Variants in CDH11 observed in about 807,000 individuals in gnomAD.
CDH11 encodes cadherin 11.
In CDH11, 11 loss-of-function variants were observed where a neutral mutation model predicts 67.8. The observed-to-expected ratio is 0.16, with a 90% CI of 0.10 to 0.27. The LOEUF is 0.27. Among genes scored for constraint, CDH11 ranks in the 10% least tolerant of loss-of-function variants. CDH11 has a pLI of 1.00. For synonymous variants in CDH11, 419 were observed against 400.0 expected, an observed-to-expected ratio of 1.05 and a Z score of -0.57; for missense variants, 847 against 1,031.2, an observed-to-expected ratio of 0.82 and a Z score of 2.45.
At chr16:65,085,158 G>A (rs750651098) in intron 1 of CDH11, among the ~76,000 whole-genome samples, 8 of 152,098 alleles carry the variant, frequency 5.3e-5, no homozygotes, top group Non-Finnish European at 1.2e-4. Context: ...TTATCCATCC[G>A]CCTCGGCCTC....
Position 65,121,909 on chromosome 16 carries a change from C to T in CDH11, c.-327G>A. 2.8e-6 allele frequency: 2 copies of T among 701,916 alleles called. No individual in the cohort carries two copies. The highest frequency in any genetic ancestry group is 5.4e-5 in the East Asian group (2 of 37,176). The allele number at this position is 701,916 out of a possible 1,614,324, so 43.5% of individuals were successfully genotyped here. A position where few individuals can be genotyped will look rare whatever the true frequency, so the allele number is the denominator to read the frequency against. Reference sequence around the variant, plus strand: ...GGCCCTTGAGGGTGGACGCAACCTCCGAGCCGCCAGTCCCTGGCGCAGGGC... The same window carrying T: ...GGCCCTTGAGGGTGGACGCAACCTCTGAGCCGCCAGTCCCTGGCGCAGGGC... On this transcript the variant is annotated 5_prime_UTR_variant, in exon 1 of 13. Coordinates refer to ENST00000268603, the MANE Select transcript of CDH11 (RefSeq NM_001797.4). The surrounding 1 kb of genome is among the most constrained non-coding windows in gnomAD (Gnocchi z 4.1).
At chr16:64,948,131 G>C in intron 12 of CDH11, 32 bp from the exon 13 acceptor site, 1 of 1,588,430 alleles carries the variant, frequency 6.3e-7, no homozygotes, top group Non-Finnish European at 8.6e-7. Context: ...GTAAGCATTC[G>C]TTAAGTCCAG....
intron 2 of CDH11, among the ~76,000 whole-genome samples, chr16:65,013,302 T>C (rs1383140526): frequency 6.6e-6 from 1 of 152,158 alleles, no homozygotes; most frequent in Admixed American, 6.5e-5. Flanking sequence ...AGGACTTTAC[T>C]GGATGGACAA....
At chr16:65,086,499 T>G (rs2074701789) in intron 1 of CDH11, among the ~76,000 whole-genome samples, 1 of 152,226 alleles carries the variant, frequency 6.6e-6, no homozygotes, top group Admixed American at 6.5e-5. Flanking sequence ...GTTAGAATGT[T>G]TATTCACCCT....
chr16:65,113,387 G>A (rs2075193172), intron 1 of CDH11, among the ~76,000 whole-genome samples: 1 of 152,050 alleles, frequency 6.6e-6, no homozygotes, highest in African/African-American at 2.4e-5. Flanking sequence ...AAATTACCGT[G>A]GGATCTTGGG....
chr16:64,950,256 T>A (rs1160002738), intron 12 of CDH11, among the ~76,000 whole-genome samples: 1 of 152,126 alleles, frequency 6.6e-6, no homozygotes, highest in African/African-American at 2.4e-5. Flanking sequence ...GAACAGATGT[T>A]ATATATGATA....
intron 8 of CDH11, among the ~76,000 whole-genome samples, chr16:64,980,229 A>T (rs2072295185): frequency 6.6e-6 from 1 of 152,166 alleles, no homozygotes; most frequent in African/African-American, 2.4e-5. Flanking sequence ...ATGCTTCATG[A>T]TATGTAAATT....
intron 1 of CDH11, among the ~76,000 whole-genome samples, chr16:65,092,878 T>C (rs2074815582): frequency 6.6e-6 from 1 of 151,690 alleles, no homozygotes; most frequent in Admixed American, 6.6e-5. Context: ...TGTAGTGATG[T>C]GATGTACTTT....
At position 64,991,825 on chromosome 16, in the gene CDH11, T is replaced by C. The variant is rs1217542952; in HGVS notation, c.754A>G (p.Thr252Ala). Residue 252 changes from threonine (T) to alanine (A), a missense_variant, in exon 6 of 13, where the codon ACC (threonine) becomes GCC (alanine). Physicochemically the swap from Thr to Ala is moderately conservative, Grantham distance 58 (BLOSUM62 0). Around this residue, in one of 2 missense-constraint regions of CDH11, gnomAD observed 235 missense variants for 352.5 expected, o/e 0.67. Transcript: ENST00000268603. ...TCGGTCAGTGTGATCGTCACTTTGG[T>C]TGTCCCTGAGAGTCCGCCCATATGT... ...GGHMGGLSGT[T>A]KVTITLTDVN... The C allele has an allele frequency of 6.2e-7, 1 of 1,613,994 alleles. No homozygotes were observed. Among genetic ancestry groups the C allele is most frequent in the Non-Finnish European group, 8.5e-7 (1 of 1,179,872 alleles).
chr16:65,070,561 G>C (rs1157971208), intron 1 of CDH11, among the ~76,000 whole-genome samples: 1 of 152,100 alleles, frequency 6.6e-6, no homozygotes, highest in East Asian at 1.9e-4. Flanking sequence ...AAGGCACTTG[G>C]CACCACCCCA....
intron 3 of CDH11, among the ~76,000 whole-genome samples, chr16:65,000,058 T>C (rs552388475): frequency 8.7e-4 from 132 of 152,328 alleles, no homozygotes; most frequent in Non-Finnish European, 1.5e-3. Context: ...TTGATATGTA[T>C]ACAATTTCTT....
intron 2 of CDH11, among the ~76,000 whole-genome samples, chr16:65,031,974 A>G (rs1233847670): frequency 1.3e-5 from 2 of 152,176 alleles, no homozygotes; most frequent in Admixed American, 1.3e-4. Context: ...GAAGAAGCAG[A>G]GTGTCTAAGA....
At chr16:65,005,322 G>T (rs1232984019) in intron 2 of CDH11, among the ~76,000 whole-genome samples, 1 of 152,166 alleles carries the variant, frequency 6.6e-6, no homozygotes, top group Non-Finnish European at 1.5e-5. Flanking sequence ...TGTTATAATT[G>T]ATCAAAATTG....
chr16:65,110,046 T>C (rs1043264938), intron 1 of CDH11, among the ~76,000 whole-genome samples: 1 of 152,160 alleles, frequency 6.6e-6, no homozygotes, highest in Non-Finnish European at 1.5e-5. Flanking sequence ...AATTTTTGTA[T>C]TTTTTGTAAA....
At chr16:65,097,704 G>C (rs1468959752) in intron 1 of CDH11, among the ~76,000 whole-genome samples, 6 of 152,106 alleles carry the variant, frequency 3.9e-5, no homozygotes, top group Admixed American at 6.5e-5. Context: ...CTATGAATTA[G>C]GAAACACACC....
intron 1 of CDH11, among the ~76,000 whole-genome samples, chr16:65,054,856 C>T (rs748659703): frequency 6.6e-6 from 1 of 152,166 alleles, no homozygotes; most frequent in Non-Finnish European, 1.5e-5. Flanking sequence ...TCATTTCTTT[C>T]CAAATCTCTT....
At chr16:64,991,725 C>G (rs2072633010) in intron 6 of CDH11, 43 bp downstream of exon 6, 1 of 1,483,558 alleles carries the variant, frequency 6.7e-7, no homozygotes, top group Non-Finnish European at 9.4e-7. Context: ...AGAGAGCTGG[C>G]TGTGTCACCA....
chr16:65,068,348 G>C (rs1435635308), intron 1 of CDH11, among the ~76,000 whole-genome samples: 1 of 141,428 alleles, frequency 7.1e-6, no homozygotes, highest in African/African-American at 2.6e-5. Flanking sequence ...AGTAATCACA[G>C]GGTTCCAGAG....
intron 2 of CDH11, among the ~76,000 whole-genome samples, chr16:65,015,073 T>G (rs1470017823): frequency 4.7e-5 from 7 of 149,524 alleles, no homozygotes; most frequent in Admixed American, 4.7e-4. Context: ...GGTTTCTCCA[T>G]GTTGGTCAGG....
Sources: allele counts gnomAD v4.1 joint callset (sites outside exome capture counted in the v4.1 genomes callset), GRCh38; gene constraint gnomAD v4.1.1; regional missense constraint gnomAD v4.1.1; non-coding constraint Gnocchi (gnomAD v3.1); transcripts MANE v1.5; gene names NCBI Gene and HGNC (gene_info 2026-07-23, HGNC 2026-07-21).